CAMSAP2: variants seen among roughly 807,000 people sequenced by gnomAD.
CAMSAP2 encodes calmodulin regulated spectrin associated protein family member 2.
A neutral mutation model predicts 146.1 loss-of-function variants in CAMSAP2; 26 were observed. The ratio of observed to expected loss-of-function variants is 0.18; its 90% CI spans 0.13 to 0.25. The LOEUF (loss-of-function observed/expected upper bound fraction) is 0.25. CAMSAP2 is among the 10% of genes least tolerant of loss of function. CAMSAP2 has a pLI of 1.00. For missense variants in CAMSAP2, 1,381 were observed against 1,759.3 expected, an observed-to-expected ratio of 0.78 and a Z score of 3.85; for synonymous variants, 499 against 596.6, an observed-to-expected ratio of 0.84 and a Z score of 2.38.
At chr1:200,809,688 G>A (rs6658568) in intron 3 of CAMSAP2, among the ~76,000 whole-genome samples, 489 of 152,314 alleles carry the variant, frequency 3.2e-3, no homozygotes, top group African/African-American at 0.011. Context: ...CCGAGATCGC[G>A]CCAGTGCACT....
At chr1:200,816,447 AGCCAGGCGTGGTG>A (rs1666487600) in intron 4 of CAMSAP2, among the ~76,000 whole-genome samples, 1 of 149,428 alleles carries the variant, frequency 6.7e-6, no homozygotes, top group Admixed American at 6.7e-5. Context: ...ACAAAAAATT[AGCCAGGCGTGGTG>A]GCCGGTGCTT....
At chr1:200,755,475 A>C (rs975782218) in intron 1 of CAMSAP2, among the ~76,000 whole-genome samples, 1 of 152,180 alleles carries the variant, frequency 6.6e-6, no homozygotes, top group Non-Finnish European at 1.5e-5. Flanking sequence ...ACCCAAGTGA[A>C]GAGCTGAGTA....
At chr1:200,817,189 C>CACAT (rs1437563207) in intron 4 of CAMSAP2, among the ~76,000 whole-genome samples, 28 of 112,066 alleles carry the variant, frequency 2.5e-4, no homozygotes, top group Non-Finnish European at 3.7e-4. Flanking sequence ...CACACACACA[C>CACAT]ATGTGTGTGT....
At chr1:200,841,802 A>T (rs1002487517) in intron 6 of CAMSAP2, among the ~76,000 whole-genome samples, 192 bp from the exon 7 acceptor site, 23 of 152,274 alleles carry the variant, frequency 1.5e-4, no homozygotes, top group African/African-American at 5.5e-4. Context: ...GCAAATGATC[A>T]GCAAGAGGTT....
chr1:200,823,109 A>G (rs906121335), intron 4 of CAMSAP2, among the ~76,000 whole-genome samples: 5 of 152,132 alleles, frequency 3.3e-5, no homozygotes, highest in African/African-American at 7.2e-5. Flanking sequence ...TAATTTTACT[A>G]TGATAGTCAC....
At chr1:200,801,266 GAA>G (rs397816350) in intron 2 of CAMSAP2, among the ~76,000 whole-genome samples, 1 of 141,894 alleles carries the variant, frequency 7.0e-6, no homozygotes, top group South Asian at 2.2e-4. Context: ...CCATCTCAAA[GAA>G]AAAAAAAAAA....
chr1:200,743,402 T>C (rs937576578), intron 1 of CAMSAP2, among the ~76,000 whole-genome samples: 1 of 152,316 alleles, frequency 6.6e-6, no homozygotes, highest in Middle Eastern at 3.4e-3. Flanking sequence ...CAAATCTTGC[T>C]GTCAAAGTCC....
rs770650285 is a variant in CAMSAP2 at position 200,832,181 on chromosome 1, TA to T, written c.646-18del. 2.6e-5 allele frequency: 41 copies of T among 1,583,804 alleles called. No homozygotes were observed. The highest frequency in any genetic ancestry group is 4.7e-5 in the South Asian group (4 of 85,318). On this transcript the variant is annotated intron_variant, in intron 4 of 16. Transcript: ENST00000358823. The surrounding 1 kb of genome is among the most constrained non-coding windows in gnomAD (Gnocchi z 4.2). The stretch of plus-strand genomic sequence containing the variant: ...TATTTGGTACTTATTTATTTTCATG[TA>T]TTTTTTTTATATCGTAGGCTCGTTA...
chr1:200,853,527 TA>T lies in CAMSAP2; in HGVS notation c.3823+38del, dbSNP rs1224962674. 6.7e-7 allele frequency: 1 copy of T among 1,496,650 alleles called. No homozygotes were observed. The highest frequency in any genetic ancestry group is 1.4e-5 in the African/African-American group (1 of 71,494). The allele number at this position is 1,496,650 out of a possible 1,614,324, so 92.7% of individuals were successfully genotyped here. On this transcript the variant is annotated intron_variant, in intron 13 of 16. Coordinates refer to ENST00000358823, the MANE Select transcript of CAMSAP2 (RefSeq NM_203459.4). The surrounding 1 kb of genome is among the most constrained non-coding windows in gnomAD (Gnocchi z 5.1). The stretch of plus-strand genomic sequence containing the variant: ...TAGCTTATTATGAAGAGTCTGTTCA[TA>T]AAAAACACCAGCTTGATTGGTTTGT...
chr1:200,761,209 C>T (rs1459144888), intron 2 of CAMSAP2, 111 bp downstream of exon 2: 1 of 1,074,000 alleles, frequency 9.3e-7, no homozygotes, highest in Non-Finnish European at 1.3e-6. Context: ...TGTATTTTTG[C>T]CTAGAGTTTA....
intron 3 of CAMSAP2, among the ~76,000 whole-genome samples, chr1:200,812,699 T>C (rs919878414): frequency 2.0e-5 from 3 of 152,182 alleles, no homozygotes; most frequent in African/African-American, 7.2e-5. Flanking sequence ...ATCAGCATAG[T>C]GGCTAAAATG....
intron 2 of CAMSAP2, among the ~76,000 whole-genome samples, chr1:200,798,290 C>T (rs113530177): frequency 0.13 from 13,299 of 103,034 alleles, 994 homozygotes; most frequent in East Asian, 0.29. Flanking sequence ...TGATTCTTCC[C>T]ACCCATGAGC....
intron 2 of CAMSAP2, among the ~76,000 whole-genome samples, chr1:200,768,229 G>A (rs1049637854): frequency 4.6e-5 from 7 of 152,136 alleles, no homozygotes; most frequent in Non-Finnish European, 7.3e-5. Flanking sequence ...TGAAGGATGC[G>A]GAGGAATTTA....
intron 1 of CAMSAP2, among the ~76,000 whole-genome samples, chr1:200,750,191 C>G (rs1664458278): frequency 6.6e-6 from 1 of 152,066 alleles, no homozygotes; most frequent in Non-Finnish European, 1.5e-5. Context: ...GTGCTGGTTG[C>G]CTGAACTAGG....
At chr1:200,851,415 G>A (rs572566650) in intron 11 of CAMSAP2, among the ~76,000 whole-genome samples, 25 of 152,150 alleles carry the variant, frequency 1.6e-4, no homozygotes, top group African/African-American at 3.9e-4. Context: ...GGCTGGTCTC[G>A]AACTCCCAAC....
intron 2 of CAMSAP2, among the ~76,000 whole-genome samples, chr1:200,784,794 G>A (rs1665539160): frequency 6.6e-6 from 1 of 152,174 alleles, no homozygotes; most frequent in African/African-American, 2.4e-5. Flanking sequence ...TAAAAGTGGT[G>A]AGACCAGACA....
At chr1:200,842,519 T>C (rs532834141) in intron 7 of CAMSAP2, among the ~76,000 whole-genome samples, 2 of 152,304 alleles carry the variant, frequency 1.3e-5, no homozygotes, top group Non-Finnish European at 2.9e-5. Flanking sequence ...TATTATATCA[T>C]GAACTATTGA....
chr1:200,844,919 T>G (rs771736379), intron 8 of CAMSAP2, 50 bp downstream of exon 8: 2 of 937,336 alleles, frequency 2.1e-6, no homozygotes, highest in South Asian at 3.3e-5. Context: ...TATTTACTAA[T>G]TAAATTACAT....
At chr1:200,822,139 TAC>T (rs150135269) in intron 4 of CAMSAP2, among the ~76,000 whole-genome samples, 15,141 of 145,940 alleles carry the variant, frequency 0.1, 775 homozygotes, top group East Asian at 0.18. Context: ...TCTCTCGCTC[TAC>T]ACACACACAC....
Sources: gnomAD v4.1 joint callset for allele counts (sites outside exome capture counted in the v4.1 genomes callset) on GRCh38, gnomAD v4.1.1 for gene constraint, Gnocchi (gnomAD v3.1) non-coding constraint, MANE v1.5 for transcripts, NCBI Gene and HGNC (gene_info 2026-07-23, HGNC 2026-07-21) for gene names.